The following RERE variants were observed in gnomAD, a reference collection of about 807,000 sequenced individuals.
The protein encoded by RERE is arginine-glutamic acid dipeptide repeats, also known as arginine-glutamic acid dipeptide repeats protein.
In RERE, 40 loss-of-function variants were observed where a neutral mutation model predicts 146.1. That is an observed-to-expected ratio of 0.27 (90% confidence interval 0.21 to 0.36). The LOEUF is 0.36. RERE is among the 10% of genes least tolerant of loss of function. The probability of loss-of-function intolerance (pLI) is 1.00; values close to 1 mark genes in which losing one functional copy is unlikely to be tolerated. For missense variants in RERE, 1,933 were observed against 2,138.7 expected, an observed-to-expected ratio of 0.90 and a Z score of 1.90; for synonymous variants, 1,003 against 866.0, an observed-to-expected ratio of 1.16 and a Z score of -2.78.
chr1:8,758,234 C>A (rs1038966203), intron 1 of RERE, among the ~76,000 whole-genome samples: 1 of 151,824 alleles, frequency 6.6e-6, no homozygotes, highest in South Asian at 2.1e-4. Context: ...TACAGGCCTG[C>A]GCCACCATGC....
intron 12 of RERE, among the ~76,000 whole-genome samples, chr1:8,403,080 G>A (rs1157169505): frequency 6.6e-6 from 1 of 152,048 alleles, no homozygotes; most frequent in Non-Finnish European, 1.5e-5. Context: ...TGTATTTTTA[G>A]TAGAGACGGG....
chr1:8,568,053 T>G (rs557372433), intron 4 of RERE, among the ~76,000 whole-genome samples: 1 of 152,322 alleles, frequency 6.6e-6, no homozygotes, highest in South Asian at 2.1e-4. Flanking sequence ...GAGACTGGTG[T>G]GTCAGATGGT....
At chr1:8,440,522 C>G (rs1570242211) in intron 11 of RERE, among the ~76,000 whole-genome samples, 1 of 148,020 alleles carries the variant, frequency 6.8e-6, no homozygotes, top group East Asian at 2.0e-4. Flanking sequence ...ACCAGGGAGT[C>G]AGAGGTCGCA....
chr1:8,358,457 C>T lies in RERE; in HGVS notation c.4078G>A (p.Gly1360Arg), dbSNP rs777462793. 14 of 1,585,450 alleles carry T rather than the reference C, an allele frequency of 8.8e-6. No homozygotes were observed. Among genetic ancestry groups the T allele is most frequent in the East Asian group, 2.3e-5 (1 of 44,324 alleles). Residue 1360 changes from glycine to arginine, a missense_variant, in exon 20 of 23, where the codon GGG (glycine) becomes AGG (arginine). Coordinates refer to ENST00000400908, the MANE Select transcript of RERE (RefSeq NM_001042681.2). Reference protein sequence around the residue: ...HSALTIPPTAGPHPFASFHPG... With the variant: ...HSALTIPPTARPHPFASFHPG... ...TGGAAAGAAGCAAAAGGGTGGGGCCCGGCGGTCGGGGGGATGGTGAGGGCG... is the reference window on the plus strand; with the variant it reads ...TGGAAAGAAGCAAAAGGGTGGGGCCTGGCGGTCGGGGGGATGGTGAGGGCG...
chr1:8,450,760 G>A (rs1193326192), intron 11 of RERE, among the ~76,000 whole-genome samples: 1 of 152,136 alleles, frequency 6.6e-6, no homozygotes, highest in Non-Finnish European at 1.5e-5. Flanking sequence ...CCATCACAGT[G>A]TCAACCACTT....
At chr1:8,558,619 G>C (rs892466692) in intron 4 of RERE, among the ~76,000 whole-genome samples, 6 of 152,124 alleles carry the variant, frequency 3.9e-5, no homozygotes, top group Admixed American at 3.9e-4. Context: ...GAAGGAAGAT[G>C]CTTCCTGCTT....
In RERE at chr1:8,750,699, T is replaced by G. The variant is rs544371391; in HGVS notation, c.-145+66461A>C. ...GTACCTGCAGAACCCAAATTGGCCT[T>G]TGTCATCAGGACCAGAGGTATCAAT... On this transcript the variant is annotated intron_variant, in intron 1 of 22. Transcript: ENST00000400908. 2.8e-4 allele frequency: 234 copies of G among 822,616 alleles called. No homozygotes were observed. In the African/African-American group the frequency reaches 3.6e-3, roughly 13 times the overall value. The allele number at this position is 822,616 out of a possible 1,614,324, so 51.0% of individuals were successfully genotyped here. A position where few individuals can be genotyped will look rare whatever the true frequency, so the allele number is the denominator to read the frequency against.
chr1:8,392,430 C>T (rs1205537675), intron 12 of RERE, among the ~76,000 whole-genome samples: 1 of 152,234 alleles, frequency 6.6e-6, no homozygotes, highest in Non-Finnish European at 1.5e-5. Context: ...CTCTGTCTAT[C>T]CATCTATCTA....
intron 2 of RERE, among the ~76,000 whole-genome samples, chr1:8,640,338 T>A (rs1647161036): frequency 6.6e-6 from 1 of 152,176 alleles, no homozygotes; most frequent in South Asian, 2.1e-4. Context: ...ACACTCCATC[T>A]GTCAAGTATC....
chr1:8,476,809 G>A (rs1267071872), intron 10 of RERE, among the ~76,000 whole-genome samples: 1 of 152,244 alleles, frequency 6.6e-6, no homozygotes, highest in African/African-American at 2.4e-5. Context: ...TGTCACAGAA[G>A]AGGCTGAGGT....
intron 3 of RERE, among the ~76,000 whole-genome samples, chr1:8,618,220 G>A (rs1646878946): frequency 1.3e-5 from 2 of 152,182 alleles, no homozygotes; most frequent in South Asian, 4.1e-4. Flanking sequence ...ATTCTATGGG[G>A]CACTGGACAC....
At chr1:8,406,704 TTG>T (rs1214329692) in intron 12 of RERE, among the ~76,000 whole-genome samples, 1 of 152,168 alleles carries the variant, frequency 6.6e-6, no homozygotes, top group East Asian at 1.9e-4. Context: ...CAAAATAAAT[TTG>T]TGTGTATCTG....
chr1:8,366,920 A>C (rs549313628), intron 12 of RERE, among the ~76,000 whole-genome samples: 2 of 149,598 alleles, frequency 1.3e-5, no homozygotes, highest in South Asian at 4.2e-4. Flanking sequence ...AAAAAACAAA[A>C]AAAAAAAACA....
chr1:8,593,474 T>C (rs894521429), intron 4 of RERE, among the ~76,000 whole-genome samples: 2 of 152,248 alleles, frequency 1.3e-5, no homozygotes, highest in African/African-American at 4.8e-5. Flanking sequence ...CCTGCCACCA[T>C]GTAAAACATG....
At chr1:8,435,485 C>T (rs1275436798) in intron 11 of RERE, among the ~76,000 whole-genome samples, 1 of 152,218 alleles carries the variant, frequency 6.6e-6, no homozygotes, top group Non-Finnish European at 1.5e-5. Flanking sequence ...ATTCACTGCA[C>T]TGTTAAGTTT....
At chr1:8,444,888 A>T (rs1239045517) in intron 11 of RERE, among the ~76,000 whole-genome samples, 1 of 151,764 alleles carries the variant, frequency 6.6e-6, no homozygotes, top group Non-Finnish European at 1.5e-5. Flanking sequence ...AGCCTATAGA[A>T]CTGTGCGCCA....
intron 1 of RERE, chr1:8,806,940 T>A: frequency 6.6e-6 from 1 of 152,274 alleles, no homozygotes; most frequent in East Asian, 1.9e-4. Flanking sequence ...ATCAGCATCT[T>A]ACCAAAATGC....
At chr1:8,539,482 T>G (rs897372307) in intron 7 of RERE, among the ~76,000 whole-genome samples, 5 of 152,130 alleles carry the variant, frequency 3.3e-5, no homozygotes, top group Non-Finnish European at 5.9e-5. Context: ...CTCGGCTTAC[T>G]GCAACCTCCG....
At chr1:8,575,401 A>T (rs1311994681) in intron 4 of RERE, among the ~76,000 whole-genome samples, 7 of 142,758 alleles carry the variant, frequency 4.9e-5, no homozygotes, top group Non-Finnish European at 7.6e-5. Context: ...TTTTTTTTTT[A>T]AAGACACTGT....
Sources: allele counts gnomAD v4.1 joint callset (sites outside exome capture counted in the v4.1 genomes callset), GRCh38; gene constraint gnomAD v4.1.1; transcripts MANE v1.5; gene names NCBI Gene and HGNC (gene_info 2026-07-23, HGNC 2026-07-21).